USH2A: variants seen among roughly 807,000 people sequenced by gnomAD.
USH2A encodes the protein Usher syndrome 2A (autosomal recessive, mild).
In USH2A, 443 loss-of-function variants were observed where a neutral mutation model predicts 538.9. That is an observed-to-expected ratio of 0.82 (90% confidence interval 0.76 to 0.89). The LOEUF is 0.89. Among genes scored for constraint, USH2A ranks in the 40% least tolerant of loss-of-function variants. The pLI is 0.00. For synonymous variants in USH2A, 2,413 were observed against 2,273.5 expected (o/e 1.06, Z -1.75); for missense variants, 6,633 against 6,324.8 (o/e 1.05, Z -1.65).
At chr1:216,211,415 G>A (rs2035238702) in intron 15 of USH2A, among the ~76,000 whole-genome samples, 1 of 152,188 alleles carries the variant, frequency 6.6e-6, no homozygotes, top group Non-Finnish European at 1.5e-5. Context: ...GGATATTAAT[G>A]CTGCAGAATT....
At chr1:215,972,543 C>T (rs1667520629) in intron 35 of USH2A, among the ~76,000 whole-genome samples, 1 of 152,094 alleles carries the variant, frequency 6.6e-6, no homozygotes, top group Non-Finnish European at 1.5e-5. Context: ...TATAAAATAC[C>T]CTCTGTTTTG....
At chr1:215,819,368 C>T (rs906151244) in intron 47 of USH2A, among the ~76,000 whole-genome samples, 4 of 151,036 alleles carry the variant, frequency 2.6e-5, no homozygotes, top group African/African-American at 7.3e-5. Flanking sequence ...TGTTAAAAAG[C>T]GGCAGTCAAG....
chr1:216,231,921 G>T (rs200936041), intron 14 of USH2A, 32 bp downstream of exon 14: 12 of 1,612,736 alleles, frequency 7.4e-6, no homozygotes, highest in Middle Eastern at 1.6e-4. Flanking sequence ...GCTAAAGAAA[G>T]AGTTAAATTA....
At chr1:216,108,581 A>AT (rs1311889350) in intron 21 of USH2A, among the ~76,000 whole-genome samples, 2 of 151,940 alleles carry the variant, frequency 1.3e-5, no homozygotes, top group Non-Finnish European at 2.9e-5. Context: ...TGGAACCCAC[A>AT]TCTCCATGTA....
chr1:216,263,673 G>A (rs553168215), intron 11 of USH2A, among the ~76,000 whole-genome samples: 20 of 152,168 alleles, frequency 1.3e-4, no homozygotes, highest in Admixed American at 4.6e-4. Context: ...ATTAAACGGA[G>A]AAAAGGTGAA....
chr1:216,037,078 A>G (rs887699136), intron 32 of USH2A, among the ~76,000 whole-genome samples: 6 of 152,148 alleles, frequency 3.9e-5, no homozygotes, highest in East Asian at 1.9e-4. Flanking sequence ...AACCATGTCA[A>G]TGCAGTCTTT....
chr1:215,880,111 A>G (rs981190727), intron 41 of USH2A, among the ~76,000 whole-genome samples: 1 of 152,160 alleles, frequency 6.6e-6, no homozygotes, highest in Non-Finnish European at 1.5e-5. Context: ...CCTAGCATAC[A>G]GTTATTTTGA....
chr1:216,350,808 C>T (rs913598325), intron 4 of USH2A, among the ~76,000 whole-genome samples: 1 of 152,090 alleles, frequency 6.6e-6, no homozygotes, highest in Non-Finnish European at 1.5e-5. Flanking sequence ...GTATGGTGGC[C>T]CTCTTCTCAC....
chr1:216,307,027 C>T (rs1204927847), intron 9 of USH2A, among the ~76,000 whole-genome samples: 2 of 151,922 alleles, frequency 1.3e-5, no homozygotes, highest in African/African-American at 4.8e-5. Context: ...CAGGAGGTGG[C>T]GCTTTCAAGA....
chr1:215,817,121 G>A lies in USH2A; in HGVS notation c.9446C>T (p.Thr3149Ile). The change falls in exon 48 of 72, where the codon ACA (threonine) becomes ATA (isoleucine). Residue 3149 changes from threonine (T) to isoleucine (I), a missense_variant. Thr to Ile is a moderately conservative substitution (Grantham distance 89). Coordinates refer to ENST00000307340, the MANE Select transcript of USH2A (RefSeq NM_206933.4). ...IILGYDLLWK[T>I]WYPCAKTQKL... ...TTGAGTTTTAGCGCATGGATACCAT[G>A]TTTTCCATAGGAGATCATATCCAAG... The A allele has an allele frequency of 1.2e-6, 2 of 1,612,818 alleles. No homozygotes were observed. Among genetic ancestry groups the A allele is most frequent in the Non-Finnish European group, 1.7e-6 (2 of 1,179,100 alleles).
intron 61 of USH2A, among the ~76,000 whole-genome samples, chr1:215,716,198 G>A (rs4655424): frequency 6.6e-6 from 1 of 151,924 alleles, no homozygotes; most frequent in African/African-American, 2.4e-5. Flanking sequence ...GAGTGGAAGG[G>A]GGGCGGGGGG....
At chr1:215,738,783 C>A (rs1268890477) in intron 60 of USH2A, among the ~76,000 whole-genome samples, 3 of 152,036 alleles carry the variant, frequency 2.0e-5, no homozygotes, top group Non-Finnish European at 2.9e-5. Context: ...GCTAAATGTA[C>A]TTCCTTTGGT....
chr1:216,025,149 G>A (rs972123454), intron 32 of USH2A, among the ~76,000 whole-genome samples: 1 of 151,684 alleles, frequency 6.6e-6, no homozygotes, highest in African/African-American at 2.4e-5. Context: ...AAGCTCTTTT[G>A]TTTTTTATAT....
chr1:216,264,563 G>T (rs1411535027), intron 11 of USH2A, among the ~76,000 whole-genome samples: 1 of 152,142 alleles, frequency 6.6e-6, no homozygotes, highest in Non-Finnish European at 1.5e-5. Context: ...CTCCCAAAGT[G>T]CTGGGATTAC....
chr1:216,373,444 C>T (rs2038754307), intron 3 of USH2A, among the ~76,000 whole-genome samples: 1 of 152,110 alleles, frequency 6.6e-6, no homozygotes, highest in Non-Finnish European at 1.5e-5. Context: ...TGTAATGCAG[C>T]TCAATCAGTA....
chr1:215,741,215 G>A (rs1660290469), intron 60 of USH2A, among the ~76,000 whole-genome samples, 160 bp downstream of exon 60: 2 of 151,938 alleles, frequency 1.3e-5, no homozygotes, highest in South Asian at 2.1e-4. Flanking sequence ...ACTGGTAGGT[G>A]CTACAAACAA....
intron 44 of USH2A, among the ~76,000 whole-genome samples, chr1:215,862,121 A>G (rs1664333775): frequency 6.6e-6 from 1 of 152,160 alleles, no homozygotes; most frequent in Non-Finnish European, 1.5e-5. Context: ...TACAGGCATG[A>G]GCCATGGAAC....
chr1:216,023,459 CAAAAAAA>C, intron 32 of USH2A, among the ~76,000 whole-genome samples: 1,014 of 46,994 alleles, frequency 0.022, 24 homozygotes, highest in Admixed American at 0.027. Context: ...TCAAAGCAGA[CAAAAAAA>C]AAAAAAAAAA....
At chr1:216,057,639 A>G (rs1017254570) in intron 30 of USH2A, among the ~76,000 whole-genome samples, 4 of 152,168 alleles carry the variant, frequency 2.6e-5, no homozygotes, top group African/African-American at 9.6e-5. Flanking sequence ...GTGAGCTGAG[A>G]TGGTGCCAAT....
Sources: allele counts gnomAD v4.1 joint callset (sites outside exome capture counted in the v4.1 genomes callset), GRCh38; gene constraint gnomAD v4.1.1; transcripts MANE v1.5; gene names NCBI Gene and HGNC (gene_info 2026-07-23, HGNC 2026-07-21).